Variants in FSTL4 observed in about 807,000 individuals in gnomAD.
The protein encoded by FSTL4 is follistatin like 4.
A neutral mutation model predicts 78.2 loss-of-function variants in FSTL4; 28 were observed. The observed-to-expected ratio is 0.36, with a 90% CI of 0.27 to 0.49. FSTL4 has a LOEUF of 0.49. Among genes scored for constraint, FSTL4 ranks in the 20% least tolerant of loss-of-function variants. The pLI, the probability that FSTL4 is intolerant of heterozygous loss-of-function variation, is 0.98. For synonymous variants in FSTL4, 422 were observed against 440.5 expected (o/e 0.96, Z 0.53); for missense variants, 922 against 1,084.9 (o/e 0.85, Z 2.11).
the FSTL4 span, among the ~76,000 whole-genome samples, chr5:133,751,010 C>T: frequency 6.6e-6 from 1 of 152,154 alleles, no homozygotes; most frequent in Admixed American, 6.5e-5. Context: ...CTTCACCCTC[C>T]CTGTCCCCCC....
chr5:133,826,946 A>AG, the FSTL4 span, among the ~76,000 whole-genome samples: 1 of 152,236 alleles, frequency 6.6e-6, no homozygotes, highest in Non-Finnish European at 1.5e-5. Flanking sequence ...CCAGCAGGGC[A>AG]GGGATCTGAG....
chr5:133,313,780 A>G (rs1753842117), intron 5 of FSTL4, among the ~76,000 whole-genome samples: 1 of 152,094 alleles, frequency 6.6e-6, no homozygotes, highest in Non-Finnish European at 1.5e-5. Context: ...ATCAACCATA[A>G]TGCCTGAGAT....
intron 12 of FSTL4, among the ~76,000 whole-genome samples, chr5:133,219,868 C>T (rs1456379973): frequency 1.3e-5 from 2 of 152,234 alleles, no homozygotes; most frequent in Non-Finnish European, 2.9e-5. Context: ...CTCTTTCTAA[C>T]TGGCTTCATA....
At chr5:133,414,989 C>A (rs1756548772) in intron 3 of FSTL4, among the ~76,000 whole-genome samples, 1 of 152,226 alleles carries the variant, frequency 6.6e-6, no homozygotes, top group Admixed American at 6.5e-5. Flanking sequence ...ACCTATGCAC[C>A]TCTCTTCCAC....
chr5:133,712,880 C>T, the FSTL4 span, among the ~76,000 whole-genome samples: 1 of 152,146 alleles, frequency 6.6e-6, no homozygotes, highest in Non-Finnish European at 1.5e-5. Flanking sequence ...TGCAGGAGGT[C>T]CAGGCCGTGT....
At chr5:133,573,071 T>C (rs1007302591) in intron 2 of FSTL4, among the ~76,000 whole-genome samples, 10 of 151,798 alleles carry the variant, frequency 6.6e-5, no homozygotes, top group Non-Finnish European at 1.5e-4. Flanking sequence ...AGTGTAACCC[T>C]ATCTCTACTA....
At chr5:133,450,513 T>C (rs1046512106) in intron 3 of FSTL4, among the ~76,000 whole-genome samples, 4 of 152,232 alleles carry the variant, frequency 2.6e-5, no homozygotes, top group Admixed American at 6.5e-5. Flanking sequence ...GTCTTGTCCA[T>C]CTTTCATAAT....
the FSTL4 span, among the ~76,000 whole-genome samples, chr5:133,676,700 C>G: frequency 1.0e-3 from 153 of 152,274 alleles, no homozygotes; most frequent in East Asian, 7.7e-3. Context: ...ATAGATTGCT[C>G]TTTTGGCCTT....
At chr5:133,825,950 C>CT in the FSTL4 span, among the ~76,000 whole-genome samples, 3 of 152,234 alleles carry the variant, frequency 2.0e-5, no homozygotes, top group Non-Finnish European at 2.9e-5. Context: ...TATAACCTTC[C>CT]TTGAGGTCGC....
At chr5:133,396,445 A>G (rs575704870) in intron 4 of FSTL4, among the ~76,000 whole-genome samples, 3 of 152,130 alleles carry the variant, frequency 2.0e-5, no homozygotes, top group Non-Finnish European at 4.4e-5. Flanking sequence ...CACAGGCCCC[A>G]GCACCTCTTG....
intron 3 of FSTL4, among the ~76,000 whole-genome samples, chr5:133,531,838 T>G (rs1008916299): frequency 9.9e-5 from 15 of 152,176 alleles, no homozygotes; most frequent in African/African-American, 3.6e-4. Context: ...TCCATCCCCG[T>G]AGGACACAAC....
At chr5:133,735,119 A>C in the FSTL4 span, among the ~76,000 whole-genome samples, 18 of 152,150 alleles carry the variant, frequency 1.2e-4, no homozygotes, top group Non-Finnish European at 2.1e-4. Flanking sequence ...TCCCCTGGCA[A>C]GCCCCAGAAG....
At chr5:133,541,897 T>C (rs1270477978) in intron 3 of FSTL4, among the ~76,000 whole-genome samples, 1 of 141,696 alleles carries the variant, frequency 7.1e-6, no homozygotes. Flanking sequence ...TTCTGTGCCT[T>C]CTCAGCACAC....
chr5:133,435,715 G>C (rs1757021003), intron 3 of FSTL4, among the ~76,000 whole-genome samples: 1 of 152,128 alleles, frequency 6.6e-6, no homozygotes, highest in African/African-American at 2.4e-5. Flanking sequence ...CTACGATTGT[G>C]CTCCTATTTT....
chr5:133,739,395 C>T, the FSTL4 span, among the ~76,000 whole-genome samples: 1 of 151,482 alleles, frequency 6.6e-6, no homozygotes, highest in Non-Finnish European at 1.5e-5. Flanking sequence ...AGGCGAGGAA[C>T]AGCTACAAAG....
chr5:133,407,967 G>C (rs1756399303), intron 3 of FSTL4, among the ~76,000 whole-genome samples: 1 of 152,228 alleles, frequency 6.6e-6, no homozygotes, highest in Non-Finnish European at 1.5e-5. Context: ...AAAGAAGGTT[G>C]GGATGAGATG....
intron 2 of FSTL4, among the ~76,000 whole-genome samples, chr5:133,589,679 T>C (rs1760584010): frequency 6.6e-6 from 1 of 152,172 alleles, no homozygotes; most frequent in South Asian, 2.1e-4. Flanking sequence ...CAAACTCTGC[T>C]GCCCTCCAGG....
intron 4 of FSTL4, among the ~76,000 whole-genome samples, chr5:133,383,595 A>T (rs956718143): frequency 2.0e-5 from 3 of 152,146 alleles, no homozygotes; most frequent in Non-Finnish European, 4.4e-5. Flanking sequence ...GCCCTGGGAG[A>T]AGACAAGACA....
At chr5:133,343,695 G>A (rs1165411544) in intron 4 of FSTL4, among the ~76,000 whole-genome samples, 1 of 152,234 alleles carries the variant, frequency 6.6e-6, no homozygotes, top group Non-Finnish European at 1.5e-5. Context: ...CAAGGGTGCA[G>A]TTCCCATCTA....
Sources: gnomAD v4.1 joint callset for allele counts (sites outside exome capture counted in the v4.1 genomes callset) on GRCh38, gnomAD v4.1.1 for gene constraint, MANE v1.5 for transcripts, NCBI Gene and HGNC (gene_info 2026-07-23, HGNC 2026-07-21) for gene names.